Variants in MCTP2 observed in about 807,000 individuals in gnomAD.
MCTP2 encodes multiple C2 and transmembrane domain containing 2, also known as multiple C2 and transmembrane domain-containing protein 2.
Under a neutral mutation model 111.6 loss-of-function variants are expected in MCTP2, and 132 were observed. The ratio of observed to expected loss-of-function variants is 1.18; its 90% confidence interval spans 1.03 to 1.37. The LOEUF (loss-of-function observed/expected upper bound fraction) is 1.37. MCTP2 is among the 40% of genes most tolerant of loss of function. The pLI, the probability that MCTP2 is intolerant of heterozygous loss-of-function variation, is 0.00. For missense variants in MCTP2, 1,183 were observed against 1,067.9 expected (o/e 1.11, Z -1.50); for synonymous variants, 395 against 387.7 (o/e 1.02, Z -0.22).
intron 7 of MCTP2, chr15:94,344,173 G>A (rs554442985): frequency 6.6e-6 from 1 of 152,196 alleles, no homozygotes; most frequent in South Asian, 2.1e-4. Context: ...TGTAATTAAT[G>A]AAGAATATTT....
At chr15:94,357,024 C>T (rs2078663068) in intron 9 of MCTP2, among the ~76,000 whole-genome samples, 1 of 151,968 alleles carries the variant, frequency 6.6e-6, no homozygotes, top group South Asian at 2.1e-4. Context: ...GTACTTGAAA[C>T]TTAAATCACT....
intron 10 of MCTP2, among the ~76,000 whole-genome samples, chr15:94,358,997 C>T (rs2078779349): frequency 6.6e-6 from 1 of 152,152 alleles, no homozygotes; most frequent in African/African-American, 2.4e-5. Flanking sequence ...AAGCATTTCG[C>T]TGTCCTTGAT....
intron 12 of MCTP2, among the ~76,000 whole-genome samples, chr15:94,373,835 G>A (rs2079611273): frequency 6.6e-6 from 1 of 152,180 alleles, no homozygotes. Context: ...ACATTTTTAA[G>A]TAATAGGTGA....
intron 12 of MCTP2, among the ~76,000 whole-genome samples, chr15:94,379,732 T>C (rs954051738): frequency 1.3e-4 from 19 of 140,826 alleles, no homozygotes; most frequent in African/African-American, 1.7e-4. Context: ...ATATAATGTG[T>C]AATATAATAT....
intron 1 of MCTP2, among the ~76,000 whole-genome samples, chr15:94,270,479 G>A (rs2073848025): frequency 6.6e-6 from 1 of 152,060 alleles, no homozygotes; most frequent in South Asian, 2.1e-4. Context: ...AGTAAAAGCT[G>A]ATGTCCACAG....
intron 1 of MCTP2, among the ~76,000 whole-genome samples, chr15:94,257,569 GTTTTTTTTTTTTTTTTTTT>G (rs760633548): frequency 0.042 from 1,416 of 33,854 alleles, 26 homozygotes; most frequent in Middle Eastern, 0.11. Context: ...TTTCTTTGTT[GTTTTTTTTTTTTTTTTTTT>G]TTTTTTTTTT....
intron 1 of MCTP2, among the ~76,000 whole-genome samples, chr15:94,247,406 G>C (rs2072094346): frequency 6.6e-6 from 1 of 152,168 alleles, no homozygotes; most frequent in Non-Finnish European, 1.5e-5. Flanking sequence ...AGGGGACAGA[G>C]AGCTGGGCTT....
At chr15:94,289,802 G>A (rs962935123) in intron 1 of MCTP2, among the ~76,000 whole-genome samples, 12 of 152,154 alleles carry the variant, frequency 7.9e-5, no homozygotes, top group African/African-American at 2.7e-4. Context: ...CTTATCCCAG[G>A]ATCCTGTGAA....
chr15:94,276,162 G>C (rs919879869), intron 1 of MCTP2, among the ~76,000 whole-genome samples: 2 of 151,974 alleles, frequency 1.3e-5, no homozygotes, highest in African/African-American at 2.4e-5. Context: ...TGTTTTTAAA[G>C]AAACAACTTT....
chr15:94,264,658 A>G (rs1435596609), intron 1 of MCTP2, among the ~76,000 whole-genome samples: 2 of 152,158 alleles, frequency 1.3e-5, no homozygotes, highest in African/African-American at 4.8e-5. Context: ...CATTGATAAG[A>G]TAATATGTAT....
chr15:94,283,343 A>G (rs1487835563), intron 1 of MCTP2, among the ~76,000 whole-genome samples: 1 of 152,138 alleles, frequency 6.6e-6, no homozygotes, highest in East Asian at 1.9e-4. Context: ...TGCCTAGAGG[A>G]GTATGCCAAG....
intron 4 of MCTP2, among the ~76,000 whole-genome samples, chr15:94,319,587 G>C (rs1299601863): frequency 6.6e-6 from 1 of 152,184 alleles, no homozygotes; most frequent in Admixed American, 6.5e-5. Context: ...GAGAACCTTT[G>C]CTCTAGGCAG....
chr15:94,348,969 C>G (rs776655889), intron 8 of MCTP2, among the ~76,000 whole-genome samples: 1 of 152,030 alleles, frequency 6.6e-6, no homozygotes, highest in Admixed American at 6.5e-5. Context: ...GTACACCTAC[C>G]TCTATCTGCT....
intron 1 of MCTP2, among the ~76,000 whole-genome samples, chr15:94,246,928 C>T (rs1221005521): frequency 6.6e-6 from 1 of 152,158 alleles, no homozygotes; most frequent in Non-Finnish European, 1.5e-5. Context: ...CTTATAAATA[C>T]TAATGAGTGC....
intron 12 of MCTP2, among the ~76,000 whole-genome samples, chr15:94,375,498 C>T (rs1000498209): frequency 6.6e-6 from 1 of 151,560 alleles, no homozygotes; most frequent in African/African-American, 2.4e-5. Flanking sequence ...TTTGGAGTTG[C>T]TTGCCTTCCA....
At chr15:94,458,909 T>C (rs1051227865) in intron 20 of MCTP2, among the ~76,000 whole-genome samples, 8 of 152,234 alleles carry the variant, frequency 5.3e-5, no homozygotes, top group African/African-American at 1.9e-4. Context: ...TTTATTTATA[T>C]AAACAGGTAA....
chr15:94,278,863 T>A (rs1458799729), intron 1 of MCTP2, among the ~76,000 whole-genome samples: 2 of 152,196 alleles, frequency 1.3e-5, no homozygotes, highest in Non-Finnish European at 2.9e-5. Flanking sequence ...CTTAGGATAA[T>A]GGCCTACAGC....
intron 10 of MCTP2, among the ~76,000 whole-genome samples, chr15:94,366,107 A>G (rs1381978395): frequency 6.6e-6 from 1 of 152,204 alleles, no homozygotes; most frequent in South Asian, 2.1e-4. Flanking sequence ...TCCCACTTAC[A>G]TCATGCTTAT....
chr15:94,346,530 C>G (rs1441570038), intron 8 of MCTP2, among the ~76,000 whole-genome samples: 1 of 152,160 alleles, frequency 6.6e-6, no homozygotes, highest in African/African-American at 2.4e-5. Context: ...CCACCCAAAG[C>G]AGTAAAGTTT....
Sources: allele counts gnomAD v4.1 joint callset (sites outside exome capture counted in the v4.1 genomes callset), GRCh38; gene constraint gnomAD v4.1.1; transcripts MANE v1.5; gene names NCBI Gene and HGNC (gene_info 2026-07-23, HGNC 2026-07-21).